NBEA: variants seen among roughly 807,000 people sequenced by gnomAD.
NBEA encodes lysosomal-trafficking regulator 2.
A neutral mutation model predicts 343.4 loss-of-function variants in NBEA; 44 were observed. The observed-to-expected ratio is 0.13, with a 90% CI of 0.10 to 0.16. The LOEUF is 0.16. Among genes scored for constraint, NBEA ranks in the 10% least tolerant of loss-of-function variants. NBEA has a pLI of 1.00. For missense variants in NBEA, 2,555 were observed against 3,631.3 expected (o/e 0.70, Z 7.62); for synonymous variants, 1,175 against 1,238.7 (o/e 0.95, Z 1.08).
chr13:35,195,802 G>T, intron 30 of NBEA, 62 bp from the exon 31 acceptor site: 3 of 1,387,750 alleles, frequency 2.2e-6, no homozygotes, highest in South Asian at 1.4e-5. Flanking sequence ...GAAAACATTT[G>T]ATTAATAATA....
chr13:35,072,862 C>T (rs1334939305), intron 10 of NBEA, among the ~76,000 whole-genome samples: 1 of 152,044 alleles, frequency 6.6e-6, no homozygotes, highest in Non-Finnish European at 1.5e-5. Flanking sequence ...TATGCCTGGC[C>T]CTGTTTATAG....
chr13:35,018,334 A>T (rs2061722286), intron 1 of NBEA, among the ~76,000 whole-genome samples: 1 of 152,180 alleles, frequency 6.6e-6, no homozygotes, highest in Admixed American at 6.5e-5. Flanking sequence ...AATTTGGAAG[A>T]CCAAGACATC....
Position 35,118,435 on chromosome 13 carries a change from C to T in NBEA, c.2204C>T (p.Ala735Val). ...GTGGCTTTAATGTCGGAACACCCAG[C>T]CTCAATGATACCAGCATTTGATCAA... Reference protein sequence around the residue: ...LLVALMSEHPASMIPAFDQRN... With the variant: ...LLVALMSEHPVSMIPAFDQRN... The change falls in exon 16 of 59, where the codon GCC (alanine) becomes GTC (valine). Residue 735 changes from alanine (A) to valine (V), a missense_variant. Physicochemically the swap from Ala to Val is moderately conservative, Grantham distance 64. Coordinates refer to ENST00000379939, the MANE Select transcript of NBEA (RefSeq NM_001385012.1). 1 of 1,605,926 alleles carries T rather than the reference C, an allele frequency of 6.2e-7. No individual in the cohort carries two copies. Among genetic ancestry groups the T allele is most frequent in the Non-Finnish European group, 8.5e-7 (1 of 1,176,568 alleles).
chr13:35,566,865 T>G, intron 44 of NBEA, 40 bp from the exon 45 acceptor site: 1 of 1,103,984 alleles, frequency 9.1e-7, no homozygotes, highest in East Asian at 2.4e-5. Flanking sequence ...TCATAAGCAT[T>G]TTGTGTGTAC....
intron 40 of NBEA, among the ~76,000 whole-genome samples, chr13:35,470,006 A>G (rs1438423849): frequency 6.6e-6 from 1 of 152,224 alleles, no homozygotes; most frequent in Non-Finnish European, 1.5e-5. Flanking sequence ...TTAACTCTGT[A>G]TTCTCTCTGC....
intron 38 of NBEA, among the ~76,000 whole-genome samples, chr13:35,373,168 C>T (rs894528440): frequency 6.6e-6 from 1 of 152,026 alleles, no homozygotes; most frequent in African/African-American, 2.4e-5. Flanking sequence ...TGCCTCACAT[C>T]CCTCTCCTTC....
chr13:35,108,938 CTT>C (rs888501907), intron 11 of NBEA, among the ~76,000 whole-genome samples: 15 of 151,998 alleles, frequency 9.9e-5, no homozygotes, highest in African/African-American at 3.1e-4. Flanking sequence ...AACACTATCA[CTT>C]TTTATTTCTA....
At chr13:35,074,145 A>T (rs917802267) in intron 10 of NBEA, among the ~76,000 whole-genome samples, 1 of 152,150 alleles carries the variant, frequency 6.6e-6, no homozygotes, top group Non-Finnish European at 1.5e-5. Context: ...TGTGTATGTG[A>T]TTAATTTTTT....
intron 49 of NBEA, among the ~76,000 whole-genome samples, chr13:35,639,771 C>T (rs1173214311): frequency 6.6e-6 from 1 of 151,788 alleles, no homozygotes; most frequent in Non-Finnish European, 1.5e-5. Context: ...TTGTGGGTAC[C>T]ATAACCTATA....
intron 17 of NBEA, among the ~76,000 whole-genome samples, chr13:35,129,746 A>C (rs2067314215): frequency 1.3e-5 from 2 of 152,128 alleles, no homozygotes; most frequent in Admixed American, 1.3e-4. Context: ...GAAAGACCTG[A>C]TTTCTCAGAT....
chr13:35,412,322 G>T (rs916539494), intron 38 of NBEA, among the ~76,000 whole-genome samples: 10 of 152,108 alleles, frequency 6.6e-5, no homozygotes, highest in Non-Finnish European at 1.2e-4. Flanking sequence ...TTATGGTGGA[G>T]AACAGTGCCA....
chr13:34,986,680 G>A (rs557770642), intron 1 of NBEA, among the ~76,000 whole-genome samples: 2 of 150,934 alleles, frequency 1.3e-5, no homozygotes, highest in East Asian at 3.9e-4. Context: ...AAGTCTCTTT[G>A]TAGGTCTCTA....
chr13:35,440,416 A>G lies in NBEA; in HGVS notation c.6304+8023A>G, dbSNP rs538462022. On this transcript the variant is annotated intron_variant, in intron 39 of 58. Coordinates refer to ENST00000379939, the MANE Select transcript of NBEA (RefSeq NM_001385012.1). ...CATTTACAAGTGATTATAATATACA[A>G]TTGTAATATTTTCATCAAAGTATAT... 5.3e-4 allele frequency among the ~76,000 whole-genome samples: 81 copies of G among 152,336 alleles called. 1 individual carries two copies. Among genetic ancestry groups the G allele is most frequent in the Non-Finnish European group, 2.1e-4 (14 of 68,032 alleles).
At chr13:35,658,614 A>G (rs2084927462) in intron 55 of NBEA, among the ~76,000 whole-genome samples, 1 of 152,186 alleles carries the variant, frequency 6.6e-6, no homozygotes, top group Admixed American at 6.5e-5. Flanking sequence ...GAGGATGTCA[A>G]GTATTTGTTA....
At chr13:35,161,183 ATAGGCTTG>A (rs199994012) in intron 22 of NBEA, among the ~76,000 whole-genome samples, 4,233 of 152,314 alleles carry the variant, frequency 0.028, 87 homozygotes, top group South Asian at 0.075. Flanking sequence ...TTATTGAACA[ATAGGCTTG>A]CCTGTTGAAC....
intron 38 of NBEA, among the ~76,000 whole-genome samples, chr13:35,379,563 T>G (rs1327502654): frequency 6.6e-6 from 1 of 152,172 alleles, no homozygotes; most frequent in Non-Finnish European, 1.5e-5. Context: ...GTGATTTCTG[T>G]TTTTTGTTTA....
chr13:35,266,872 A>G (rs59987959), intron 34 of NBEA, among the ~76,000 whole-genome samples: 3,568 of 151,898 alleles, frequency 0.023, 94 homozygotes, highest in African/African-American at 0.064. Flanking sequence ...TAACTTTTCA[A>G]CTCCCCAAAA....
At chr13:35,641,764 A>G (rs2083962407) in intron 49 of NBEA, among the ~76,000 whole-genome samples, 1 of 152,028 alleles carries the variant, frequency 6.6e-6, no homozygotes, top group Non-Finnish European at 1.5e-5. Flanking sequence ...AAGATATGGA[A>G]CCTTCTAGTT....
intron 31 of NBEA, among the ~76,000 whole-genome samples, chr13:35,198,202 C>G (rs1289130138): frequency 6.6e-6 from 1 of 151,976 alleles, no homozygotes; most frequent in Non-Finnish European, 1.5e-5. Context: ...TTTATGTTTT[C>G]ACGATATGCC....
Sources: gnomAD v4.1 joint callset for allele counts (sites outside exome capture counted in the v4.1 genomes callset) on GRCh38, gnomAD v4.1.1 for gene constraint, MANE v1.5 for transcripts, NCBI Gene and HGNC (gene_info 2026-07-23, HGNC 2026-07-21) for gene names.